The following KCNIP4 variants were observed in gnomAD, a reference collection of about 807,000 sequenced individuals.
KCNIP4 encodes the protein potassium voltage-gated channel interacting protein 4.
In KCNIP4, 12 loss-of-function variants were observed where a neutral mutation model predicts 34.0. The ratio of observed to expected loss-of-function variants is 0.35; its 90% confidence interval spans 0.23 to 0.57. KCNIP4 has a LOEUF of 0.57. KCNIP4 is among the 20% of genes least tolerant of loss of function. The probability of loss-of-function intolerance (pLI) is 0.83; values close to 1 mark genes in which losing one functional copy is unlikely to be tolerated. For synonymous variants in KCNIP4, 124 were observed against 102.2 expected, an observed-to-expected ratio of 1.21 and a Z score of -1.29; for missense variants, 238 against 311.7, an observed-to-expected ratio of 0.76 and a Z score of 1.78.
chr4:21,008,514 CTTTTTG>C (rs1477655507), intron 1 of KCNIP4, among the ~76,000 whole-genome samples: 2 of 137,084 alleles, frequency 1.5e-5, no homozygotes, highest in Non-Finnish European at 1.5e-5. Flanking sequence ...TGGGCATTTT[CTTTTTG>C]TTTTTGTTTT....
intron 1 of KCNIP4, among the ~76,000 whole-genome samples, chr4:21,892,523 A>T (rs527646256): frequency 2.2e-4 from 29 of 133,546 alleles, no homozygotes; most frequent in East Asian, 1.5e-3. Context: ...TTATGACTTT[A>T]AAAAAAAAAA....
At chr4:21,068,875 A>AATGC (rs912642250) in intron 1 of KCNIP4, among the ~76,000 whole-genome samples, 3 of 152,192 alleles carry the variant, frequency 2.0e-5, no homozygotes, top group African/African-American at 7.2e-5. Flanking sequence ...TGAGTGAATG[A>AATGC]ATGCATGCAT....
At chr4:21,097,290 T>C (rs1012611824) in intron 1 of KCNIP4, among the ~76,000 whole-genome samples, 1 of 152,196 alleles carries the variant, frequency 6.6e-6, no homozygotes, top group African/African-American at 2.4e-5. Flanking sequence ...AGATACATAC[T>C]ATAACATTAG....
chr4:21,012,850 T>C (rs1390692593), intron 1 of KCNIP4, among the ~76,000 whole-genome samples: 6 of 152,206 alleles, frequency 3.9e-5, no homozygotes, highest in African/African-American at 1.2e-4. Context: ...TAATGACCAG[T>C]TGGCCATGAT....
intron 1 of KCNIP4, among the ~76,000 whole-genome samples, chr4:21,742,946 G>A (rs1277247799): frequency 6.6e-6 from 1 of 152,096 alleles, no homozygotes; most frequent in Non-Finnish European, 1.5e-5. Context: ...ACACGCATTT[G>A]CTTTTATAAT....
At chr4:20,923,078 A>G (rs1729565661) in intron 1 of KCNIP4, among the ~76,000 whole-genome samples, 1 of 152,206 alleles carries the variant, frequency 6.6e-6, no homozygotes, top group Non-Finnish European at 1.5e-5. Context: ...AAAAGACTCC[A>G]GCAGTGTCAC....
intron 1 of KCNIP4, among the ~76,000 whole-genome samples, chr4:21,699,305 C>T (rs1247643540): frequency 6.6e-6 from 1 of 152,164 alleles, no homozygotes; most frequent in Non-Finnish European, 1.5e-5. Context: ...TATTATGTTC[C>T]AGACATGGTT....
chr4:21,753,365 C>A lies in KCNIP4; in HGVS notation c.61+195206G>T, dbSNP rs1347074798. On this transcript the variant is annotated intron_variant, in intron 1 of 8. Transcript: ENST00000382152. ...ATCTTTGGGCTATTTTAGAGGCCAT[C>A]ACCTCTATTGGGTATCACCAAGTAA... 2.0e-5 allele frequency among the ~76,000 whole-genome samples: 3 copies of A among 152,098 alleles called. No individual in the cohort carries two copies. In the East Asian group the frequency reaches 5.8e-4, roughly 29 times the overall value.
chr4:21,851,602 G>A (rs1052006658), intron 1 of KCNIP4: 2 of 152,174 alleles, frequency 1.3e-5, no homozygotes, highest in Non-Finnish European at 1.5e-5. Context: ...ACACGGGCTT[G>A]TGTGATTCCA....
At position 21,252,756 on chromosome 4, in the gene KCNIP4, CTTT is replaced by C. The variant is rs5856614; in HGVS notation, c.62-370050_62-370048del. On this transcript the variant is annotated intron_variant, in intron 1 of 8. Coordinates refer to ENST00000382152, the MANE Select transcript of KCNIP4 (RefSeq NM_025221.6). ...TCCATCTTTCCCTTTGGCAAATCCT[CTTT>C]TTTTTTTTTTTTTTTGTCGTAAGTA... is the stretch of plus-strand genomic sequence containing the variant. Among the ~76,000 whole-genome samples the C allele has an allele frequency of 2.6e-3, 347 of 132,228 alleles. 3 individuals carry two copies. The highest frequency in any genetic ancestry group is 8.7e-3 in the African/African-American group (305 of 34,952). 86.7% of individuals were successfully genotyped at this position (132,228 alleles called of 152,430 possible).
chr4:21,683,446 ATTTTTTTTTTTTTTTTTTTTTTT>A (rs71191533), intron 1 of KCNIP4, among the ~76,000 whole-genome samples: 8 of 46,556 alleles, frequency 1.7e-4, no homozygotes, highest in South Asian at 9.7e-4. Flanking sequence ...GTGAAGCCAG[ATTTTTTTTTTTTTTTTTTTTTTT>A]TTTTTTTTTT....
chr4:21,791,680 T>C (rs533906184), intron 1 of KCNIP4, among the ~76,000 whole-genome samples: 2 of 152,068 alleles, frequency 1.3e-5, no homozygotes, highest in Non-Finnish European at 2.9e-5. Context: ...TTCCTTAACA[T>C]ACTTAGTATT....
At chr4:21,513,158 C>T (rs1402938943) in intron 1 of KCNIP4, among the ~76,000 whole-genome samples, 1 of 152,190 alleles carries the variant, frequency 6.6e-6, no homozygotes. Context: ...GACAGCCCTG[C>T]TGTGGAAGAG....
At chr4:21,697,825 T>C (rs530640630) in intron 1 of KCNIP4, 56 of 209,044 alleles carry the variant, frequency 2.7e-4, no homozygotes, top group Non-Finnish European at 4.6e-4. Context: ...TGCCAGCTCA[T>C]CAGTGAATCA....
intron 1 of KCNIP4, among the ~76,000 whole-genome samples, chr4:21,641,428 C>T (rs1039275408): frequency 4.6e-5 from 7 of 152,128 alleles, no homozygotes; most frequent in East Asian, 1.9e-4. Context: ...AGCAGAACCC[C>T]GAGTAGTGCA....
At chr4:21,055,523 AC>A (rs2108958520) in intron 1 of KCNIP4, among the ~76,000 whole-genome samples, 1 of 152,320 alleles carries the variant, frequency 6.6e-6, no homozygotes, top group African/African-American at 2.4e-5. Flanking sequence ...ACCAAGATAT[AC>A]CAAGAAACCA....
chr4:21,917,948 G>A (rs931282238), intron 1 of KCNIP4, among the ~76,000 whole-genome samples: 1 of 152,158 alleles, frequency 6.6e-6, no homozygotes, highest in Non-Finnish European at 1.5e-5. Context: ...ACCTTGCAGT[G>A]AATTTGGCTC....
At chr4:21,447,609 C>T (rs1728143293) in intron 1 of KCNIP4, among the ~76,000 whole-genome samples, 1 of 152,078 alleles carries the variant, frequency 6.6e-6, no homozygotes, top group African/African-American at 2.4e-5. Context: ...ACATACACAC[C>T]TATGATAAAG....
At chr4:21,837,008 C>T (rs1324409185) in intron 1 of KCNIP4, among the ~76,000 whole-genome samples, 5 of 149,492 alleles carry the variant, frequency 3.3e-5, no homozygotes, top group African/African-American at 1.2e-4. Flanking sequence ...AGCTCTGCCT[C>T]CCGGATTCAC....
Sources: allele counts gnomAD v4.1 joint callset (sites outside exome capture counted in the v4.1 genomes callset), GRCh38; gene constraint gnomAD v4.1.1; transcripts MANE v1.5; gene names NCBI Gene and HGNC (gene_info 2026-07-23, HGNC 2026-07-21).